Variants in ALG9 observed in about 807,000 individuals in gnomAD.
ALG9 encodes the protein ALG9 alpha-1,2-mannosyltransferase.
A neutral mutation model predicts 81.8 loss-of-function variants in ALG9; 55 were observed. The ratio of observed to expected loss-of-function variants is 0.67; its 90% confidence interval spans 0.54 to 0.84. ALG9 has a LOEUF of 0.84. ALG9 is among the 40% of genes least tolerant of loss of function. The pLI is 0.00. For missense variants in ALG9, 629 were observed against 745.0 expected, an observed-to-expected ratio of 0.84 and a Z score of 1.81; for synonymous variants, 278 against 274.3, an observed-to-expected ratio of 1.01 and a Z score of -0.13.
rs1043602882 is a variant in ALG9 at position 111,784,876 on chromosome 11, A to T, written c.*1521T>A. 2.6e-5 allele frequency: 4 copies of T among 152,266 alleles called. No individual in the cohort carries two copies. Among genetic ancestry groups the T allele is most frequent in the Admixed American group, 2.6e-4 (4 of 15,280 alleles). The allele number at this position is 152,266 out of a possible 1,614,324, so 9.4% of individuals were successfully genotyped here. A position where few individuals can be genotyped will look rare whatever the true frequency, so the allele number is the denominator to read the frequency against. On this transcript the variant is annotated 3_prime_UTR_variant, in exon 15 of 15. Transcript: ENST00000616540. ...TGATATTTGGATCCTGTGTGGCTGC[A>T]AAAGAACATGACTTCCAAACAGAAG... is the stretch of plus-strand genomic sequence containing the variant.
At chr11:111,871,267 C>A (rs1351016055) in intron 1 of ALG9, 85 bp downstream of exon 1, 1 of 1,334,712 alleles carries the variant, frequency 7.5e-7, no homozygotes, top group South Asian at 2.0e-5. Context: ...GGACTGAGCC[C>A]CGCGCGCCAC....
chr11:111,834,714 CAT>C (rs1954941493), intron 13 of ALG9, among the ~76,000 whole-genome samples: 1 of 152,184 alleles, frequency 6.6e-6, no homozygotes, highest in African/African-American at 2.4e-5. Flanking sequence ...ACTCTGAATT[CAT>C]ACTGTCCCCC....
the ALG9 span, among the ~76,000 whole-genome samples, chr11:111,774,551 G>A: frequency 6.6e-6 from 1 of 152,172 alleles, no homozygotes; most frequent in Admixed American, 6.5e-5. Context: ...AGGGTGCCTG[G>A]GGAACAGAGA....
intron 14 of ALG9, among the ~76,000 whole-genome samples, chr11:111,795,350 G>A (rs116621544): frequency 0.01 from 1,569 of 152,124 alleles, 24 homozygotes; most frequent in African/African-American, 0.035. Context: ...AAGCCATTAC[G>A]TGGGGCAGAG....
chr11:111,788,208 G>C (rs982344667), intron 14 of ALG9, among the ~76,000 whole-genome samples: 1 of 152,134 alleles, frequency 6.6e-6, no homozygotes, highest in African/African-American at 2.4e-5. Flanking sequence ...CCTAACCTTG[G>C]GTTTGGCAGA....
chr11:111,849,644 A>G (rs1957454795), intron 8 of ALG9: 1 of 147,288 alleles, frequency 6.8e-6, no homozygotes. Context: ...CGCCCCCTCC[A>G]CAGGCCCCAG....
At chr11:111,811,621 C>T (rs1950731539) in intron 13 of ALG9, among the ~76,000 whole-genome samples, 1 of 151,370 alleles carries the variant, frequency 6.6e-6, no homozygotes, top group African/African-American at 2.4e-5. Context: ...ATATCCATAC[C>T]ATTAAAATGT....
intron 5 of ALG9, among the ~76,000 whole-genome samples, chr11:111,860,311 A>G (rs1959622181): frequency 6.6e-6 from 1 of 152,240 alleles, no homozygotes; most frequent in African/African-American, 2.4e-5. Flanking sequence ...CTTACCTGCA[A>G]AAGTGAGAAA....
chr11:111,812,746 G>A (rs1406591866), intron 13 of ALG9, among the ~76,000 whole-genome samples: 9 of 151,326 alleles, frequency 5.9e-5, no homozygotes, highest in African/African-American at 1.9e-4. Context: ...GTGAAACCCC[G>A]TATCTACTAA....
the ALG9 span, among the ~76,000 whole-genome samples, chr11:111,776,561 C>A: frequency 6.6e-6 from 1 of 152,186 alleles, no homozygotes; most frequent in East Asian, 1.9e-4. Context: ...GCACTCCAAC[C>A]TGGGCAACAG....
rs373679538 is a variant in ALG9, at chr11:111,853,480, A to T, written c.795T>A (p.Pro265=). ...SLMALILFLV[P]VVVIDSYYYG... Reference sequence around the variant, plus strand: ...AATAGTAGCTGTCAATGACCACCACAGGCACCTAAAACAGAGCAGAAAATA... The same window carrying T: ...AATAGTAGCTGTCAATGACCACCACTGGCACCTAAAACAGAGCAGAAAATA... The change falls in exon 8 of 15, where the codon CCT becomes CCA. Residue 265 remains proline (P), a synonymous_variant. Coordinates refer to ENST00000616540, the MANE Select transcript of ALG9 (RefSeq NM_024740.2). 1.9e-6 allele frequency: 3 copies of T among 1,613,204 alleles called. No homozygotes were observed. Among genetic ancestry groups the T allele is most frequent in the Non-Finnish European group, 2.5e-6 (3 of 1,179,170 alleles).
Position 111,860,924 on chromosome 11 carries a change from A to T in ALG9, c.477-289T>A, listed in dbSNP as rs574684266. The stretch of plus-strand genomic sequence containing the variant: ...GTGAAAAATAATAGACCTCAGATAC[A>T]GGTGGGCACACATTCAAATTCTGGC... On this transcript the variant is annotated intron_variant, in intron 4 of 14. Coordinates refer to ENST00000616540, the MANE Select transcript of ALG9 (RefSeq NM_024740.2). Among the ~76,000 whole-genome samples, 3 of 152,380 alleles carry T rather than the reference A, an allele frequency of 2.0e-5. No homozygotes were observed. The South Asian group carries it at 6.2e-4, about 32-fold the overall frequency.
intron 3 of ALG9, among the ~76,000 whole-genome samples, chr11:111,865,919 G>T (rs1211524276): frequency 6.6e-6 from 1 of 152,004 alleles, no homozygotes; most frequent in African/African-American, 2.4e-5. Flanking sequence ...ATAAAATAGG[G>T]GTTATATTAA....
At chr11:111,840,554 T>C in intron 10 of ALG9, 101 bp downstream of exon 10, 1 of 1,377,690 alleles carries the variant, frequency 7.3e-7, no homozygotes, top group Non-Finnish European at 1.0e-6. Flanking sequence ...ATGGATAAAA[T>C]ATCTTAGGTG....
At chr11:111,844,462 G>A (rs1241587900) in intron 9 of ALG9, 139 bp downstream of exon 9, 2 of 1,256,546 alleles carry the variant, frequency 1.6e-6, no homozygotes, top group African/African-American at 3.0e-5. Flanking sequence ...AACAAACACA[G>A]ACTGAAAATT....
At chr11:111,835,386 G>A (rs1028077819) in intron 13 of ALG9, among the ~76,000 whole-genome samples, 7 of 152,198 alleles carry the variant, frequency 4.6e-5, no homozygotes, top group African/African-American at 4.8e-5. Context: ...AAATTCGCAT[G>A]GGATCTCAGA....
At chr11:111,810,628 T>C (rs1950566821) in intron 13 of ALG9, among the ~76,000 whole-genome samples, 1 of 152,142 alleles carries the variant, frequency 6.6e-6, no homozygotes, top group East Asian at 1.9e-4. Flanking sequence ...TGGTGGCACA[T>C]ATCTGTAGTT....
chr11:111,818,266 T>C (rs1951820292), intron 13 of ALG9, among the ~76,000 whole-genome samples: 1 of 152,172 alleles, frequency 6.6e-6, no homozygotes. Context: ...GAGACAGGTT[T>C]TGAGAAATGT....
chr11:111,847,706 C>T (rs1463450693), intron 8 of ALG9, among the ~76,000 whole-genome samples: 1 of 152,252 alleles, frequency 6.6e-6, no homozygotes, highest in South Asian at 2.1e-4. Context: ...CTAGTCTATC[C>T]TATTCTAAAT....
Sources: gnomAD v4.1 joint callset for allele counts (sites outside exome capture counted in the v4.1 genomes callset) on GRCh38, gnomAD v4.1.1 for gene constraint, MANE v1.5 for transcripts, NCBI Gene and HGNC (gene_info 2026-07-23, HGNC 2026-07-21) for gene names.